Variants in MRTFB observed in about 807,000 individuals in gnomAD.
MRTFB encodes the protein myocardin-related transcription factor B.
In MRTFB, 29 loss-of-function variants were observed where a neutral mutation model predicts 104.2. That is an observed-to-expected ratio of 0.28 (90% CI 0.21 to 0.38). The LOEUF (loss-of-function observed/expected upper bound fraction) is 0.38, where lower values mean the gene tolerates loss of function less well. MRTFB is among the 10% of genes least tolerant of loss of function. The probability of loss-of-function intolerance (pLI) is 1.00; values close to 1 mark genes in which losing one functional copy is unlikely to be tolerated. For synonymous variants in MRTFB, 535 were observed against 519.5 expected (o/e 1.03, Z -0.41); for missense variants, 1,270 against 1,341.6 (o/e 0.95, Z 0.83).
chr16:14,011,933 A>G, the MRTFB span, among the ~76,000 whole-genome samples: 2 of 152,102 alleles, frequency 1.3e-5, no homozygotes, highest in Admixed American at 6.5e-5. Flanking sequence ...GTTACAGGGA[A>G]CCCACTTGGG....
chr16:14,089,857 A>T (rs970286955), intron 2 of MRTFB, among the ~76,000 whole-genome samples: 4 of 152,168 alleles, frequency 2.6e-5, no homozygotes, highest in African/African-American at 9.7e-5. Flanking sequence ...GTGTCTCATG[A>T]TTTTGATTTG....
intron 3 of MRTFB, among the ~76,000 whole-genome samples, chr16:14,191,622 T>C (rs2040188705): frequency 6.6e-6 from 1 of 152,214 alleles, no homozygotes; most frequent in Non-Finnish European, 1.5e-5. Context: ...TTATTATGCA[T>C]AAGTATTTAA....
At chr16:14,057,199 C>CA in the MRTFB span, among the ~76,000 whole-genome samples, 3 of 151,862 alleles carry the variant, frequency 2.0e-5, no homozygotes, top group South Asian at 2.1e-4. Flanking sequence ...CTGTTCCAGC[C>CA]AAAAAATGAG....
intron 2 of MRTFB, among the ~76,000 whole-genome samples, chr16:14,126,272 G>T (rs1242305761): frequency 1.3e-5 from 2 of 151,900 alleles, no homozygotes; most frequent in Admixed American, 6.5e-5. Context: ...CCAAATGTCT[G>T]TTAAATCCCA....
intron 6 of MRTFB, among the ~76,000 whole-genome samples, chr16:14,215,654 T>C (rs2041385636): frequency 6.6e-6 from 1 of 152,272 alleles, no homozygotes; most frequent in African/African-American, 2.4e-5. Context: ...TCTTATGTTC[T>C]GATTCTCCCC....
intron 2 of MRTFB, among the ~76,000 whole-genome samples, chr16:14,087,446 CAG>C (rs2034787036): frequency 6.6e-6 from 1 of 152,126 alleles, no homozygotes; most frequent in South Asian, 2.1e-4. Context: ...TGTATTGCTG[CAG>C]AGTCTAGGCT....
chr16:14,224,912 C>T (rs537067213), intron 8 of MRTFB, among the ~76,000 whole-genome samples: 399 of 152,304 alleles, frequency 2.6e-3, no homozygotes, highest in Middle Eastern at 6.8e-3. Context: ...TGGCTGGGCA[C>T]GGTGGCTTAC....
Position 14,261,537 on chromosome 16 carries a change from T to C in MRTFB, c.*93T>C. On this transcript the variant is annotated 3_prime_UTR_variant, in exon 17 of 17. Transcript: ENST00000571589. The stretch of plus-strand genomic sequence containing the variant: ...TAGAGATAGATCTATAGTTGCATTG[T>C]TGCAATCAAAATATGTTGTCACAGA... 3 of 1,279,890 alleles carry C rather than the reference T, an allele frequency of 2.3e-6. No homozygotes were observed. In the South Asian group the frequency reaches 4.5e-5, roughly 19 times the overall value. 79.3% of individuals were successfully genotyped at this position (1,279,890 alleles called of 1,614,324 possible). A position where few individuals can be genotyped will look rare whatever the true frequency, so the allele number is the denominator to read the frequency against.
At chr16:14,105,099 A>T (rs553655460) in intron 2 of MRTFB, among the ~76,000 whole-genome samples, 2 of 152,318 alleles carry the variant, frequency 1.3e-5, no homozygotes, top group East Asian at 3.9e-4. Context: ...TTAGTGTTAT[A>T]GAAGTCAGTA....
the MRTFB span, among the ~76,000 whole-genome samples, chr16:14,023,606 CACACATACATATACATATACATAT>C: frequency 0.038 from 1,497 of 39,542 alleles, 6 homozygotes; most frequent in Non-Finnish European, 0.057. Flanking sequence ...CACACACACA[CACACATACATATACATATACATAT>C]ACATATACAT....
At chr16:14,252,228 TCA>T in intron 14 of MRTFB, 135 bp from the exon 15 acceptor site, 2 of 1,367,688 alleles carry the variant, frequency 1.5e-6, no homozygotes, top group South Asian at 2.8e-5. Flanking sequence ...GCTGTCAGCC[TCA>T]CAGGTGCTTA....
At chr16:14,176,588 T>G (rs2039590805) in intron 3 of MRTFB, among the ~76,000 whole-genome samples, 1 of 152,178 alleles carries the variant, frequency 6.6e-6, no homozygotes, top group South Asian at 2.1e-4. Context: ...GGGCTTAATT[T>G]CCTCACAGAA....
At chr16:14,055,189 T>C in the MRTFB span, among the ~76,000 whole-genome samples, 1 of 152,086 alleles carries the variant, frequency 6.6e-6, no homozygotes, top group Non-Finnish European at 1.5e-5. Flanking sequence ...CCGTCTCTAC[T>C]AAAAATACAA....
intron 2 of MRTFB, among the ~76,000 whole-genome samples, chr16:14,088,468 G>A (rs1305219759): frequency 1.3e-5 from 2 of 152,156 alleles, no homozygotes; most frequent in Non-Finnish European, 2.9e-5. Context: ...GGGAAAGGTG[G>A]TGTTAGAATG....
rs139054280 is a variant in MRTFB, at chr16:14,147,877, C to T, written c.154+7117C>T. 7.2e-3 allele frequency among the ~76,000 whole-genome samples: 1,100 copies of T among 152,226 alleles called. 6 individuals are homozygous for T. Among genetic ancestry groups the T allele is most frequent in the Non-Finnish European group, 0.011 (778 of 68,006 alleles). ...CATTTATTAACAGTAAGATTTAAAA[C>T]GTAATAGTAATGAGCAGTTTAAACC... is the stretch of plus-strand genomic sequence containing the variant. On this transcript the variant is annotated intron_variant, in intron 3 of 16. Coordinates refer to ENST00000571589, the MANE Select transcript of MRTFB (RefSeq NM_001308142.2).
At chr16:14,041,402 C>A in the MRTFB span, among the ~76,000 whole-genome samples, 1 of 152,292 alleles carries the variant, frequency 6.6e-6, no homozygotes, top group Admixed American at 6.5e-5. Context: ...AGTTTGACTT[C>A]TTTAGATACC....
chr16:14,075,773 G>C (rs2034006013), intron 1 of MRTFB, among the ~76,000 whole-genome samples: 3 of 152,140 alleles, frequency 2.0e-5, no homozygotes, highest in Non-Finnish European at 4.4e-5. Context: ...AAAGCACTTT[G>C]TCTTATAATT....
the MRTFB span, among the ~76,000 whole-genome samples, chr16:14,016,570 C>G: frequency 2.6e-5 from 4 of 151,876 alleles, no homozygotes; most frequent in African/African-American, 7.3e-5. Context: ...GTCGGGAGTT[C>G]GAGACCAGCC....
chr16:14,172,711 C>T (rs1325876688), intron 3 of MRTFB, among the ~76,000 whole-genome samples: 1 of 152,080 alleles, frequency 6.6e-6, no homozygotes, highest in East Asian at 1.9e-4. Flanking sequence ...ACATTTTTAC[C>T]ATCTAATGTT....
Sources: gnomAD v4.1 joint callset for allele counts (sites outside exome capture counted in the v4.1 genomes callset) on GRCh38, gnomAD v4.1.1 for gene constraint, MANE v1.5 for transcripts, NCBI Gene and HGNC (gene_info 2026-07-23, HGNC 2026-07-21) for gene names.